TACR3: variants seen among roughly 807,000 people sequenced by gnomAD.
TACR3 encodes the protein neuromedin-K receptor.
Under a neutral mutation model 35.0 loss-of-function variants are expected in TACR3, and 34 were observed. That is an observed-to-expected ratio of 0.97 (90% CI 0.74 to 1.30). TACR3 has a LOEUF of 1.30. Ranked by LOEUF, TACR3 falls within the 50% of genes most tolerant of loss-of-function variation. The pLI is 0.00. For synonymous variants in TACR3, 233 were observed against 221.1 expected (o/e 1.05, Z -0.48); for missense variants, 558 against 591.7 (o/e 0.94, Z 0.59).
chr4:103,629,851 A>AC (rs1560813964), intron 3 of TACR3, among the ~76,000 whole-genome samples: 12 of 79,516 alleles, frequency 1.5e-4, no homozygotes, highest in South Asian at 3.7e-4. Flanking sequence ...TAAGCAAAAC[A>AC]AAAAAAAAAC....
rs1724162662 is a variant in TACR3 at position 103,600,253 on chromosome 4, ATAGTATCCTCTGATGG to A, written c.889-8586_889-8571del. ...CTAGTTTATTTGCATAGAGGTATTT[ATAGTATCCTCTGATGG>A]TAGTTTGTATTCCTGTGGGATCAGT... On this transcript the variant is annotated intron_variant, in intron 3 of 4. Transcript: ENST00000304883. Among the ~76,000 whole-genome samples, 5 of 152,254 alleles carry A rather than the reference ATAGTATCCTCTGATGG, an allele frequency of 3.3e-5. No individual in the cohort carries two copies. In the South Asian group the frequency reaches 1.0e-3, roughly 32 times the overall value.
At chr4:103,717,967 C>G (rs371222266) in intron 1 of TACR3, among the ~76,000 whole-genome samples, 1 of 152,120 alleles carries the variant, frequency 6.6e-6, no homozygotes, top group African/African-American at 2.4e-5. Flanking sequence ...TAGTTAGTGG[C>G]TACTAACCTC....
rs1257139462 is a variant in TACR3, at chr4:103,589,210, G to A, written c.*472C>T. ...TTTTCCATTACTCTAGTGGGAAAAT[G>A]AATCATTTAACTTTTTTTCCCATTT... On this transcript the variant is annotated 3_prime_UTR_variant, in exon 5 of 5. Transcript: ENST00000304883. 2 of 153,804 alleles carry A rather than the reference G, an allele frequency of 1.3e-5. No homozygotes were observed. The highest frequency in any genetic ancestry group is 4.8e-5 in the African/African-American group (2 of 41,408). The allele number at this position is 153,804 out of a possible 1,614,324, so 9.5% of individuals were successfully genotyped here.
rs1022468388 is a variant in TACR3, at chr4:103,662,251, G to T, written c.549-3848C>A. Among the ~76,000 whole-genome samples the T allele has an allele frequency of 1.2e-3, 145 of 124,886 alleles. 1 individual carries two copies. The highest frequency in any genetic ancestry group is 4.2e-3 in the African/African-American group (136 of 32,124). 81.9% of individuals were successfully genotyped at this position (124,886 alleles called of 152,430 possible). A position where few individuals can be genotyped will look rare whatever the true frequency, so the allele number is the denominator to read the frequency against. ...TTTTTTTTTTTTGAGACTGAGTCTT[G>T]CTCTGTCGCCCAGGCCGTAAGTGCA... On this transcript the variant is annotated intron_variant, in intron 1 of 4. Coordinates refer to ENST00000304883, the MANE Select transcript of TACR3 (RefSeq NM_001059.3).
chr4:103,663,840 C>T (rs75544266), intron 1 of TACR3, among the ~76,000 whole-genome samples: 5,726 of 152,286 alleles, frequency 0.038, 139 homozygotes, highest in Non-Finnish European at 0.055. Flanking sequence ...CCTGAACAAA[C>T]ATTCTCTGGA....
At chr4:103,713,944 A>G (rs1442634729) in intron 1 of TACR3, among the ~76,000 whole-genome samples, 1 of 152,146 alleles carries the variant, frequency 6.6e-6, no homozygotes, top group Non-Finnish European at 1.5e-5. Context: ...GAAGTCAAGG[A>G]CTGAAATGTC....
intron 3 of TACR3, among the ~76,000 whole-genome samples, chr4:103,627,994 C>T (rs562428498): frequency 5.3e-5 from 8 of 152,316 alleles, no homozygotes; most frequent in Middle Eastern, 3.4e-3. Flanking sequence ...AAGAAACTCA[C>T]TCAAAACTGC....
At chr4:103,685,120 G>C (rs897808221) in intron 1 of TACR3, among the ~76,000 whole-genome samples, 1 of 151,984 alleles carries the variant, frequency 6.6e-6, no homozygotes, top group Admixed American at 6.6e-5. Flanking sequence ...TCACATTTAA[G>C]AACTTCTGTG....
intron 3 of TACR3, among the ~76,000 whole-genome samples, chr4:103,608,261 A>T (rs1004312707): frequency 1.3e-5 from 2 of 152,116 alleles, no homozygotes; most frequent in Non-Finnish European, 2.9e-5. Context: ...TTGCAGCAAC[A>T]TGGATGCAGC....
chr4:103,639,645 A>T, intron 3 of TACR3, among the ~76,000 whole-genome samples: 1 of 152,018 alleles, frequency 6.6e-6, no homozygotes, highest in East Asian at 1.9e-4. Context: ...AAATGTAAAG[A>T]AATACTTTTA....
At chr4:103,614,446 G>C (rs1724585949) in intron 3 of TACR3, among the ~76,000 whole-genome samples, 1 of 152,052 alleles carries the variant, frequency 6.6e-6, no homozygotes, top group East Asian at 1.9e-4. Context: ...GGCTTTAAAT[G>C]AATCATTAAA....
At position 103,593,025 on chromosome 4, in the gene TACR3, C is replaced by T. The variant is rs1664941762; in HGVS notation, c.889-1342G>A. Among the ~76,000 whole-genome samples the T allele has an allele frequency of 2.0e-5, 3 of 152,124 alleles. No homozygotes were observed. In the South Asian group the frequency reaches 6.2e-4, roughly 32 times the overall value. On this transcript the variant is annotated intron_variant, in intron 3 of 4. Transcript: ENST00000304883. ...ATCACATAATATCTTTTGATTTTCC[C>T]AGTGTTCTTTAAATTACATTGCTTT... is the stretch of plus-strand genomic sequence containing the variant.
chr4:103,654,412 C>T (rs1394058393), intron 3 of TACR3, among the ~76,000 whole-genome samples: 1 of 113,782 alleles, frequency 8.8e-6, no homozygotes, highest in Non-Finnish European at 1.7e-5. Context: ...ATGGATGAAA[C>T]TGGAAACATC....
chr4:103,598,522 C>T (rs1004158675), intron 3 of TACR3, among the ~76,000 whole-genome samples: 6 of 152,100 alleles, frequency 3.9e-5, no homozygotes, highest in African/African-American at 1.4e-4. Context: ...ACATGAAGTC[C>T]TTGCCCATGC....
chr4:103,709,356 A>G (rs1295247609), intron 1 of TACR3, among the ~76,000 whole-genome samples: 1 of 152,232 alleles, frequency 6.6e-6, no homozygotes, highest in Non-Finnish European at 1.5e-5. Context: ...AATATTCAAC[A>G]TTCTTAAAGA....
intron 3 of TACR3, among the ~76,000 whole-genome samples, chr4:103,618,026 T>A (rs192348914): frequency 3.9e-5 from 6 of 152,210 alleles, no homozygotes; most frequent in Middle Eastern, 3.4e-3. Context: ...TGTCTATGAG[T>A]TTAGGAAAAA....
intron 3 of TACR3, among the ~76,000 whole-genome samples, chr4:103,644,225 G>A (rs556027994): frequency 3.5e-4 from 53 of 151,746 alleles, no homozygotes; most frequent in African/African-American, 1.3e-3. Context: ...CGTACCATGA[G>A]GTGGGGTAGA....
At chr4:103,621,475 G>C (rs1724781537) in intron 3 of TACR3, among the ~76,000 whole-genome samples, 2 of 152,192 alleles carry the variant, frequency 1.3e-5, no homozygotes, top group Admixed American at 1.3e-4. Context: ...GACTTCATTT[G>C]AGTGGAATAT....
chr4:103,599,900 A>G (rs1194788164), intron 3 of TACR3, among the ~76,000 whole-genome samples: 4 of 152,224 alleles, frequency 2.6e-5, no homozygotes, highest in Middle Eastern at 6.8e-3. Flanking sequence ...CATCAAGGAT[A>G]TTGGTCTAAA....
Sources: gnomAD v4.1 joint callset for allele counts (sites outside exome capture counted in the v4.1 genomes callset) on GRCh38, gnomAD v4.1.1 for gene constraint, MANE v1.5 for transcripts, NCBI Gene and HGNC (gene_info 2026-07-23, HGNC 2026-07-21) for gene names.